The following NAALADL2 variants were observed in gnomAD, a reference collection of about 807,000 sequenced individuals.
NAALADL2 encodes inactive N-acetylated-alpha-linked acidic dipeptidase-like protein 2.
NAALADL2 carries 76 observed loss-of-function variants against 87.2 expected under a neutral mutation model. The observed-to-expected ratio is 0.87, with a 90% CI of 0.72 to 1.05. The LOEUF is 1.05. Among genes scored for constraint, NAALADL2 ranks in the 50% least tolerant of loss-of-function variants. NAALADL2 has a pLI of 0.00. For missense variants in NAALADL2, 1,089 were observed against 945.8 expected, an observed-to-expected ratio of 1.15 and a Z score of -1.99; for synonymous variants, 354 against 331.0, an observed-to-expected ratio of 1.07 and a Z score of -0.75.
chr3:175,514,607 C>T (rs1731599015), intron 9 of NAALADL2, among the ~76,000 whole-genome samples: 1 of 151,956 alleles, frequency 6.6e-6, no homozygotes, highest in African/African-American at 2.4e-5. Context: ...ACCAAAAGTG[C>T]ATGTAGGGGA....
chr3:174,889,252 A>T (rs1036883796), intron 1 of NAALADL2, among the ~76,000 whole-genome samples: 1 of 152,196 alleles, frequency 6.6e-6, no homozygotes, highest in African/African-American at 2.4e-5. Flanking sequence ...TTGAGTTTTC[A>T]TTAGGTGACC....
intron 5 of NAALADL2, among the ~76,000 whole-genome samples, chr3:175,365,309 A>G (rs528822959): frequency 6.8e-6 from 1 of 147,572 alleles, no homozygotes; most frequent in South Asian, 2.2e-4. Flanking sequence ...AAATATTGAC[A>G]TGATATTCTT....
intron 12 of NAALADL2, among the ~76,000 whole-genome samples, chr3:175,741,063 G>A (rs981885061): frequency 1.3e-5 from 2 of 152,152 alleles, no homozygotes; most frequent in Non-Finnish European, 2.9e-5. Context: ...TTCTTAATTA[G>A]GGGAAGCACA....
intron 1 of NAALADL2, among the ~76,000 whole-genome samples, chr3:174,947,100 C>T (rs1739545989): frequency 1.3e-5 from 2 of 152,022 alleles, no homozygotes; most frequent in Admixed American, 1.3e-4. Context: ...TCAGTTAGAG[C>T]ATCATAACTT....
At chr3:175,419,576 AT>A (rs765684590) in intron 5 of NAALADL2, among the ~76,000 whole-genome samples, 12 of 151,956 alleles carry the variant, frequency 7.9e-5, no homozygotes, top group Non-Finnish European at 1.3e-4. Flanking sequence ...GGTAACATTC[AT>A]TTTAATTCAA....
intron 1 of NAALADL2, among the ~76,000 whole-genome samples, chr3:174,939,131 A>T (rs1738186265): frequency 6.6e-6 from 1 of 152,018 alleles, no homozygotes; most frequent in African/African-American, 2.4e-5. Context: ...CAGGGTTTTT[A>T]TAGTTTGGGA....
chr3:174,641,809 G>A (rs2108731950), intron 2 of NAALADL2, among the ~76,000 whole-genome samples: 1 of 152,226 alleles, frequency 6.6e-6, no homozygotes, highest in South Asian at 2.1e-4. Flanking sequence ...AGGGTGGATT[G>A]CAGTGGTTAC....
chr3:175,186,946 G>A (rs9290547), intron 2 of NAALADL2, among the ~76,000 whole-genome samples: 5,753 of 152,128 alleles, frequency 0.038, 258 homozygotes, highest in African/African-American at 0.11. Flanking sequence ...AGAGCAAATA[G>A]TATAATGAAA....
At position 175,782,989 on chromosome 3, in the gene NAALADL2, C is replaced by G. The variant is rs1178773895; in HGVS notation, c.2190-20016C>G. Among the ~76,000 whole-genome samples the G allele has an allele frequency of 8.0e-4, 118 of 148,150 alleles. 1 individual carries two copies. Among genetic ancestry groups the G allele is most frequent in the Non-Finnish European group, 8.2e-4 (55 of 67,168 alleles). On this transcript the variant is annotated intron_variant, in intron 13 of 13. Transcript: ENST00000454872. The stretch of plus-strand genomic sequence containing the variant: ...TCCTTTCCCCATTGCTTGTTTTTCT[C>G]AGGTTTGTCAAAGATCAGATAGTTG...
At chr3:175,252,129 G>A (rs2109782165) in intron 3 of NAALADL2, among the ~76,000 whole-genome samples, 1 of 152,230 alleles carries the variant, frequency 6.6e-6, no homozygotes, top group Admixed American at 6.5e-5. Context: ...CTGTTATACA[G>A]GCATATCTGG....
intron 4 of NAALADL2, among the ~76,000 whole-genome samples, chr3:175,315,331 C>G (rs887585952): frequency 1.3e-5 from 2 of 151,850 alleles, no homozygotes; most frequent in African/African-American, 4.8e-5. Context: ...GGGTGGGAGG[C>G]ATATGTAAAG....
At chr3:174,641,230 G>A (rs571232874) in intron 2 of NAALADL2, among the ~76,000 whole-genome samples, 1 of 152,142 alleles carries the variant, frequency 6.6e-6, no homozygotes, top group Non-Finnish European at 1.5e-5. Flanking sequence ...ACGTGCGCTC[G>A]GGGGAGGACC....
intron 1 of NAALADL2, among the ~76,000 whole-genome samples, chr3:175,077,550 G>T (rs1169892058): frequency 6.6e-6 from 1 of 152,014 alleles, no homozygotes; most frequent in Non-Finnish European, 1.5e-5. Context: ...TGTCAAAAAG[G>T]CATTTAAAAT....
In NAALADL2 at chr3:175,805,596, C is replaced by T. The variant is rs1370506269; in HGVS notation, c.*2393C>T. The T allele has an allele frequency of 1.3e-5, 2 of 151,680 alleles. No individual in the cohort carries two copies. The highest frequency in any genetic ancestry group is 4.8e-5 in the African/African-American group (2 of 41,358). 9.4% of individuals were successfully genotyped at this position (151,680 alleles called of 1,614,324 possible). ...TATATCATTTCACTCCCCTCCCCTC[C>T]CCACCCCCAATAGATTCAAATAAAT... On this transcript the variant is annotated 3_prime_UTR_variant, in exon 14 of 14. Coordinates refer to ENST00000454872, the MANE Select transcript of NAALADL2 (RefSeq NM_207015.3).
At chr3:175,476,136 C>G (rs530279549) in intron 9 of NAALADL2, among the ~76,000 whole-genome samples, 1 of 152,272 alleles carries the variant, frequency 6.6e-6, no homozygotes, top group Non-Finnish European at 1.5e-5. Flanking sequence ...ATATACAAAG[C>G]ACCACAAAAT....
chr3:174,834,135 A>G (rs571777324), intron 3 of NAALADL2, among the ~76,000 whole-genome samples: 1 of 149,564 alleles, frequency 6.7e-6, no homozygotes. Context: ...TTATTCCCAA[A>G]TGCAAGTTTC....
At chr3:175,722,853 C>T (rs1742420462) in intron 11 of NAALADL2, among the ~76,000 whole-genome samples, 1 of 152,106 alleles carries the variant, frequency 6.6e-6, no homozygotes, top group Admixed American at 6.6e-5. Context: ...ACCATAGATG[C>T]ACTATATAGC....
intron 13 of NAALADL2, among the ~76,000 whole-genome samples, chr3:175,764,705 A>G (rs914957708): frequency 1.3e-5 from 2 of 152,150 alleles, no homozygotes; most frequent in Non-Finnish European, 2.9e-5. Flanking sequence ...ACCAGTTTAT[A>G]TTTAGGCAAG....
intron 1 of NAALADL2, among the ~76,000 whole-genome samples, chr3:175,016,499 A>G (rs1340759167): frequency 6.6e-6 from 1 of 151,432 alleles, no homozygotes; most frequent in Non-Finnish European, 1.5e-5. Flanking sequence ...TAAAGGGGTT[A>G]TCACTGAGGT....
Sources: gnomAD v4.1 joint callset for allele counts (sites outside exome capture counted in the v4.1 genomes callset) on GRCh38, gnomAD v4.1.1 for gene constraint, MANE v1.5 for transcripts, NCBI Gene and HGNC (gene_info 2026-07-23, HGNC 2026-07-21) for gene names.